The following ZFAT variants were observed in gnomAD, a reference collection of about 807,000 sequenced individuals.
ZFAT encodes the protein zinc finger and AT-hook domain containing.
ZFAT carries 64 observed loss-of-function variants against 117.7 expected under a neutral mutation model. The observed-to-expected ratio is 0.54, with a 90% CI of 0.44 to 0.67. The LOEUF (loss-of-function observed/expected upper bound fraction) is 0.67. ZFAT is among the 30% of genes least tolerant of loss of function. ZFAT has a pLI of 0.00. For missense variants in ZFAT, 1,433 were observed against 1,584.5 expected, an observed-to-expected ratio of 0.90 and a Z score of 1.62; for synonymous variants, 679 against 615.0, an observed-to-expected ratio of 1.10 and a Z score of -1.54.
At chr8:134,806,059 C>T in the ZFAT span, among the ~76,000 whole-genome samples, 1 of 151,912 alleles carries the variant, frequency 6.6e-6, no homozygotes. Context: ...AATTAAAGTC[C>T]ACAATTAAGT....
chr8:134,804,178 A>C, the ZFAT span, among the ~76,000 whole-genome samples: 1 of 152,254 alleles, frequency 6.6e-6, no homozygotes, highest in African/African-American at 2.4e-5. Context: ...AAATAGATAC[A>C]ATACAGCTGC....
chr8:134,750,032 A>C, the ZFAT span, among the ~76,000 whole-genome samples: 1 of 152,222 alleles, frequency 6.6e-6, no homozygotes, highest in Non-Finnish European at 1.5e-5. Context: ...ATCAATTGGA[A>C]TTTTGATTGG....
chr8:134,658,198 A>C (rs981412889), intron 1 of ZFAT, among the ~76,000 whole-genome samples: 2 of 152,142 alleles, frequency 1.3e-5, no homozygotes, highest in African/African-American at 4.8e-5. Flanking sequence ...TTAGCCAGGC[A>C]TGGCAGCGTG....
the ZFAT span, among the ~76,000 whole-genome samples, chr8:134,811,914 C>T: frequency 5.3e-5 from 8 of 152,112 alleles, no homozygotes; most frequent in South Asian, 4.1e-4. Context: ...GAGGCTGAGG[C>T]GGGTGGATCA....
intron 13 of ZFAT, among the ~76,000 whole-genome samples, chr8:134,519,825 T>A (rs1820519543): frequency 6.8e-6 from 1 of 147,030 alleles, no homozygotes; most frequent in Non-Finnish European, 1.5e-5. Context: ...ATGACACACA[T>A]TTTTTTTTTT....
At chr8:134,821,845 A>AT in the ZFAT span, among the ~76,000 whole-genome samples, 1 of 152,190 alleles carries the variant, frequency 6.6e-6, no homozygotes, top group African/African-American at 2.4e-5. Context: ...GTAACCAAAC[A>AT]TTTTTGAGGC....
chr8:134,716,147 A>T (rs189835176), upstream of ZFAT, among the ~76,000 whole-genome samples: 684 of 143,694 alleles, frequency 4.8e-3, 7 homozygotes, highest in African/African-American at 0.017. Flanking sequence ...ATTTATTTAT[A>T]TATATATATA....
At chr8:134,696,527 T>TAC in intron 1 of ZFAT, 1 of 985,814 alleles carries the variant, frequency 1.0e-6, no homozygotes, top group Non-Finnish European at 1.2e-6. Context: ...CCTCTCCATC[T>TAC]ACACCCTTTC....
chr8:134,558,923 C>G (rs1449921109), intron 11 of ZFAT, among the ~76,000 whole-genome samples: 4 of 152,198 alleles, frequency 2.6e-5, no homozygotes, highest in African/African-American at 4.8e-5. Flanking sequence ...GGTTCTAAAT[C>G]CTGTGCTTTG....
chr8:134,712,037 G>C (rs1814019403), intron 1 of ZFAT, among the ~76,000 whole-genome samples: 1 of 152,202 alleles, frequency 6.6e-6, no homozygotes, highest in Non-Finnish European at 1.5e-5. Context: ...TGATCAGTTA[G>C]CGCGTTCGTT....
At chr8:134,792,241 T>G in the ZFAT span, 2 of 152,202 alleles carry the variant, frequency 1.3e-5, no homozygotes, top group African/African-American at 4.8e-5. Context: ...TGGGAATAAT[T>G]TTCTCTAACC....
At chr8:134,564,017 T>C (rs953177050) in intron 11 of ZFAT, among the ~76,000 whole-genome samples, 1 of 152,090 alleles carries the variant, frequency 6.6e-6, no homozygotes, top group Non-Finnish European at 1.5e-5. Flanking sequence ...GGCAGCGGGC[T>C]ACCTGAGACA....
chr8:134,726,383 G>A, the ZFAT span, among the ~76,000 whole-genome samples: 5 of 152,204 alleles, frequency 3.3e-5, no homozygotes, highest in Non-Finnish European at 7.4e-5. Context: ...GCCTCTGGGA[G>A]GGGCTGCATG....
the ZFAT span, among the ~76,000 whole-genome samples, chr8:134,822,967 A>C: frequency 1.3e-5 from 2 of 152,164 alleles, no homozygotes; most frequent in African/African-American, 4.8e-5. Flanking sequence ...GGGGAAAAAA[A>C]GGGGAACATC....
chr8:134,672,332 T>A (rs1195279912), intron 1 of ZFAT, among the ~76,000 whole-genome samples: 2 of 151,934 alleles, frequency 1.3e-5, no homozygotes, highest in African/African-American at 4.8e-5. Flanking sequence ...GCTGGAGGCA[T>A]AAAGCTGGAG....
the ZFAT span, among the ~76,000 whole-genome samples, chr8:134,730,317 C>G: frequency 6.6e-6 from 1 of 152,260 alleles, no homozygotes; most frequent in Admixed American, 6.5e-5. Flanking sequence ...GCATCAACCT[C>G]GACATCTCCC....
chr8:134,715,002 A>G (rs554881570), upstream of ZFAT, among the ~76,000 whole-genome samples: 1 of 152,336 alleles, frequency 6.6e-6, no homozygotes, highest in South Asian at 2.1e-4. Flanking sequence ...TGCATTGATG[A>G]GCGTTTCCTT....
At chr8:134,596,251 G>A (rs1047937131) in intron 7 of ZFAT, among the ~76,000 whole-genome samples, 4 of 152,192 alleles carry the variant, frequency 2.6e-5, no homozygotes, top group Non-Finnish European at 4.4e-5. Flanking sequence ...ACCATCCAGA[G>A]AAAGCAGGGA....
intron 7 of ZFAT, 164 bp downstream of exon 7, chr8:134,600,272 A>G: frequency 2.8e-6 from 2 of 703,048 alleles, no homozygotes; most frequent in Non-Finnish European, 5.1e-6. Flanking sequence ...TTGCTGTGAA[A>G]GGAACCTGGG....
Sources: allele counts gnomAD v4.1 joint callset (sites outside exome capture counted in the v4.1 genomes callset), GRCh38; gene constraint gnomAD v4.1.1; transcripts MANE v1.5; gene names NCBI Gene and HGNC (gene_info 2026-07-23, HGNC 2026-07-21).